Variants in CPT1A observed in about 807,000 individuals in gnomAD.
CPT1A encodes the protein carnitine O-palmitoyltransferase 1, liver isoform.
Under a neutral mutation model 100.8 loss-of-function variants are expected in CPT1A, and 64 were observed. The ratio of observed to expected loss-of-function variants is 0.63; its 90% CI spans 0.52 to 0.78. The LOEUF (loss-of-function observed/expected upper bound fraction) is 0.78, where lower values mean the gene tolerates loss of function less well. Among genes scored for constraint, CPT1A ranks in the 30% least tolerant of loss-of-function variants. The pLI is 0.00. For synonymous variants in CPT1A, 363 were observed against 396.0 expected, an observed-to-expected ratio of 0.92 and a Z score of 0.99; for missense variants, 802 against 1,034.1, an observed-to-expected ratio of 0.78 and a Z score of 3.08.
At position 68,759,483 on chromosome 11, in the gene CPT1A, T is replaced by C. The variant is rs368310044; in HGVS notation, c.2235+86A>G. The C allele has an allele frequency of 3.5e-4, 320 of 904,620 alleles. 1 individual carries two copies. In the African/African-American group the frequency reaches 4.0e-3, roughly 11 times the overall value. The allele number at this position is 904,620 out of a possible 1,614,324, so 56.0% of individuals were successfully genotyped here. ...AAAGCAGGCAGTTGAATTGACTTTT[T>C]CTGTCAAATTAAAGATGTGTTTCCT... On this transcript the variant is annotated intron_variant, in intron 18 of 18. Transcript: ENST00000265641.
chr11:68,836,759 G>A (rs1857019474), intron 1 of CPT1A, among the ~76,000 whole-genome samples: 2 of 151,364 alleles, frequency 1.3e-5, no homozygotes, highest in Non-Finnish European at 2.9e-5. Context: ...GCAACAGAGT[G>A]AGATTTCCTC....
rs531322511 is a variant in CPT1A, at chr11:68,763,998, C to T, written c.1741-1237G>A. Among the ~76,000 whole-genome samples the T allele has an allele frequency of 5.3e-5, 8 of 152,136 alleles. No individual in the cohort carries two copies. In the South Asian group the frequency reaches 1.7e-3, roughly 32 times the overall value. On this transcript the variant is annotated intron_variant, in intron 14 of 18. Coordinates refer to ENST00000265641, the MANE Select transcript of CPT1A (RefSeq NM_001876.4). ...ATAGAAAAGGGAGGGCAGGGAGGGA[C>T]AAGGGGATGGGGTCAAGGAACGTGG...
intron 2 of CPT1A, among the ~76,000 whole-genome samples, chr11:68,815,123 T>C (rs1340080405): frequency 6.6e-6 from 1 of 152,136 alleles, no homozygotes; most frequent in Admixed American, 6.6e-5. Context: ...CTTTAACGCA[T>C]GCCAAGTCCC....
At chr11:68,787,313 G>A (rs761325833) in intron 9 of CPT1A, among the ~76,000 whole-genome samples, 2 of 151,942 alleles carry the variant, frequency 1.3e-5, no homozygotes, top group African/African-American at 2.4e-5. Flanking sequence ...GCATGTGCCT[G>A]TAGTCCCAGC....
At chr11:68,802,645 A>G (rs1219391387) in intron 5 of CPT1A, among the ~76,000 whole-genome samples, 1 of 151,574 alleles carries the variant, frequency 6.6e-6, no homozygotes, top group Admixed American at 6.6e-5. Flanking sequence ...GAGGCAGGAG[A>G]ATGGTGTGAA....
intron 5 of CPT1A, among the ~76,000 whole-genome samples, 153 bp downstream of exon 5, chr11:68,803,844 GAAA>G (rs11311321): frequency 4.6e-5 from 5 of 108,946 alleles, no homozygotes; most frequent in African/African-American, 1.3e-4. Flanking sequence ...ATGCATTGGA[GAAA>G]AAAAAAAAAA....
chr11:68,844,164 C>T (rs763615111), upstream of CPT1A: 7 of 152,290 alleles, frequency 4.6e-5, no homozygotes, highest in Non-Finnish European at 7.3e-5. Context: ...GGTGGCCGGG[C>T]TCTCGGCAGC....
chr11:68,838,510 A>C (rs2154003098), intron 1 of CPT1A, among the ~76,000 whole-genome samples: 1 of 142,640 alleles, frequency 7.0e-6, no homozygotes, highest in East Asian at 2.2e-4. Flanking sequence ...AACTGGTAAT[A>C]GTGGTGGCAT....
rs973524396 is a variant in CPT1A at position 68,759,497 on chromosome 11, G to A, written c.2235+72C>T. On this transcript the variant is annotated intron_variant, in intron 18 of 18. Coordinates refer to ENST00000265641, the MANE Select transcript of CPT1A (RefSeq NM_001876.4). The stretch of plus-strand genomic sequence containing the variant: ...AATTGACTTTTTCTGTCAAATTAAA[G>A]ATGTGTTTCCTTAAAAAGAATAAAG... 2.3e-5 allele frequency: 22 copies of A among 976,666 alleles called. 1 individual carries two copies. In the South Asian group the frequency reaches 2.4e-4, roughly 11 times the overall value. The allele number at this position is 976,666 out of a possible 1,614,324, so 60.5% of individuals were successfully genotyped here.
chr11:68,843,617 G>A (rs1367135987), upstream of CPT1A, among the ~76,000 whole-genome samples: 1 of 152,232 alleles, frequency 6.6e-6, no homozygotes, highest in Admixed American at 6.5e-5. This position sits in a 1 kb window ranked among gnomAD's most constrained non-coding sequence, Gnocchi z 4.0. Flanking sequence ...GGAGGGGTGG[G>A]GGAGGGAAGA....
At chr11:68,761,792 G>A in intron 15 of CPT1A, 105 bp from the exon 16 acceptor site, 1 of 1,360,406 alleles carries the variant, frequency 7.4e-7, no homozygotes, top group Non-Finnish European at 1.0e-6. Context: ...GTTATTTTTA[G>A]TAGAGACGGG....
At chr11:68,784,599 A>C (rs556037037) in intron 10 of CPT1A, among the ~76,000 whole-genome samples, 1 of 151,864 alleles carries the variant, frequency 6.6e-6, no homozygotes, top group African/African-American at 2.4e-5. Context: ...GTTTCCACAC[A>C]CATTTGCCTG....
intron 14 of CPT1A, 141 bp from the exon 15 acceptor site, chr11:68,762,902 G>T: frequency 1.9e-6 from 2 of 1,053,354 alleles, no homozygotes; most frequent in Non-Finnish European, 1.4e-6. Flanking sequence ...TGTTGCCCAG[G>T]CTGGCATGCA....
chr11:68,808,518 C>T (rs965048992), intron 3 of CPT1A, among the ~76,000 whole-genome samples: 3 of 151,528 alleles, frequency 2.0e-5, no homozygotes, highest in East Asian at 2.0e-4. Flanking sequence ...ATTACAGGTG[C>T]GCACCACCAC....
At chr11:68,830,223 A>G (rs1856843660) in intron 1 of CPT1A, among the ~76,000 whole-genome samples, 1 of 152,132 alleles carries the variant, frequency 6.6e-6, no homozygotes, top group Non-Finnish European at 1.5e-5. Flanking sequence ...GGCTGCAGCA[A>G]GCCCGGACTG....
At chr11:68,768,370 CG>C (rs1566345332) in intron 14 of CPT1A, among the ~76,000 whole-genome samples, 3 of 151,208 alleles carry the variant, frequency 2.0e-5, no homozygotes, top group Non-Finnish European at 4.4e-5. Context: ...CCACTGTGCC[CG>C]GCCTGCCAGC....
intron 12 of CPT1A, among the ~76,000 whole-genome samples, chr11:68,779,118 G>A (rs1348083965): frequency 6.6e-6 from 1 of 152,078 alleles, no homozygotes; most frequent in Non-Finnish European, 1.5e-5. Flanking sequence ...CACAAACCCG[G>A]CTCCATGCCC....
chr11:68,764,221 G>C (rs988850334), intron 14 of CPT1A, among the ~76,000 whole-genome samples: 36 of 152,204 alleles, frequency 2.4e-4, no homozygotes, highest in African/African-American at 6.8e-4. Context: ...AAGGGGCCCG[G>C]GGCCACCAGG....
intron 9 of CPT1A, chr11:68,785,716 G>A (rs141705926): frequency 7.6e-5 from 27 of 354,092 alleles, no homozygotes; most frequent in Non-Finnish European, 1.2e-4. Context: ...GACGATATCC[G>A]TAAAGCCCAT....
Sources: allele counts gnomAD v4.1 joint callset (sites outside exome capture counted in the v4.1 genomes callset), GRCh38; gene constraint gnomAD v4.1.1; non-coding constraint Gnocchi (gnomAD v3.1); transcripts MANE v1.5; gene names NCBI Gene and HGNC (gene_info 2026-07-23, HGNC 2026-07-21).